The following TENT4B variants were observed in gnomAD, a reference collection of about 807,000 sequenced individuals.
TENT4B encodes terminal nucleotidyltransferase 4B, also known as PAP associated domain containing 5.
TENT4B carries 10 observed loss-of-function variants against 75.0 expected under a neutral mutation model. That is an observed-to-expected ratio of 0.13 (90% CI 0.08 to 0.23). The LOEUF is 0.23. Ranked by LOEUF, TENT4B falls within the 10% of genes least tolerant of loss-of-function variation. The probability of loss-of-function intolerance (pLI) is 1.00; values close to 1 mark genes in which losing one functional copy is unlikely to be tolerated. For missense variants in TENT4B, 579 were observed against 893.8 expected (o/e 0.65, Z 4.49); for synonymous variants, 350 against 357.7 (o/e 0.98, Z 0.24).
At position 50,234,280 on chromosome 16, in the gene TENT4B, A is replaced by C. The variant is rs1348895814; in HGVS notation, c.*4952A>C. The C allele has an allele frequency of 1.0e-6, 1 of 985,284 alleles. No individual in the cohort carries two copies. Among genetic ancestry groups the C allele is most frequent in the African/African-American group, 1.7e-5 (1 of 57,202 alleles). The allele number at this position is 985,284 out of a possible 1,614,324, so 61.0% of individuals were successfully genotyped here. Reference sequence around the variant, plus strand: ...ACCTTCATCTCTTAAAAAAACAAACAAAAACCTGAATGGTGAGGTGTGGTG... The same window carrying C: ...ACCTTCATCTCTTAAAAAAACAAACCAAAACCTGAATGGTGAGGTGTGGTG... On this transcript the variant is annotated 3_prime_UTR_variant, in exon 12 of 12. Transcript: ENST00000561678.
At chr16:50,192,902 T>C (rs7404952) in intron 1 of TENT4B, among the ~76,000 whole-genome samples, 101,464 of 151,992 alleles carry the variant, frequency 0.67, 35,751 homozygotes, top group Non-Finnish European at 0.77. Context: ...AGCAATGTGA[T>C]GAAACCCTGT....
chr16:50,194,654 G>A lies in TENT4B; in HGVS notation c.639-16669G>A, dbSNP rs1247529618. Among the ~76,000 whole-genome samples, 7 of 151,596 alleles carry A rather than the reference G, an allele frequency of 4.6e-5. No individual in the cohort carries two copies. The East Asian group carries it at 1.4e-3, about 29-fold the overall frequency. ...GAGCATCAATTTCCTGGGCTCAAGC[G>A]ATACTTGCACTTCAGCACCCCTCCA... On this transcript the variant is annotated intron_variant, in intron 1 of 11. Coordinates refer to ENST00000561678, the MANE Select transcript of TENT4B (RefSeq NM_001365324.3).
At position 50,229,229 on chromosome 16, in the gene TENT4B, GACAA is replaced by G; in HGVS notation, c.2052_2055del (p.Lys684AsnfsTer66). The G allele has an allele frequency of 1.2e-6, 2 of 1,613,872 alleles. No individual in the cohort carries two copies. The highest frequency in any genetic ancestry group is 2.2e-5 in the East Asian group (1 of 44,890). ...CTCAAACAAGCCATGGTTCCTTGAT[GACAA>G]ACAAACAACATCAAGGCAAATCCAA... On this transcript the variant is annotated frameshift_variant, in exon 12 of 12. Coordinates refer to ENST00000561678, the MANE Select transcript of TENT4B (RefSeq NM_001365324.3). LOFTEE classifies it high-confidence loss of function.
chr16:50,187,211 T>C (rs77032068), intron 1 of TENT4B, among the ~76,000 whole-genome samples: 2,706 of 152,348 alleles, frequency 0.018, 98 homozygotes, highest in African/African-American at 0.062. Flanking sequence ...GTGTTTTCTT[T>C]CTGCAGTTTT....
chr16:50,175,628 C>T (rs762293649), intron 1 of TENT4B, among the ~76,000 whole-genome samples: 6 of 151,864 alleles, frequency 4.0e-5, no homozygotes, highest in East Asian at 1.9e-4. Context: ...CATGACACCA[C>T]GCCCAGCTAA....
At chr16:50,176,897 G>A (rs1209585607) in intron 1 of TENT4B, among the ~76,000 whole-genome samples, 2 of 152,000 alleles carry the variant, frequency 1.3e-5, no homozygotes, top group African/African-American at 2.4e-5. Flanking sequence ...TTGTTCTGTA[G>A]TTTTCTTTGG....
At chr16:50,228,808 A>G (rs1268217500) in intron 11 of TENT4B, among the ~76,000 whole-genome samples, 2 of 152,228 alleles carry the variant, frequency 1.3e-5, no homozygotes, top group Admixed American at 6.5e-5. Flanking sequence ...CAAACCTACC[A>G]GTGTGCCTGT....
chr16:50,187,374 G>A (rs1376183744), intron 1 of TENT4B, among the ~76,000 whole-genome samples: 1 of 152,258 alleles, frequency 6.6e-6, no homozygotes, highest in Non-Finnish European at 1.5e-5. Context: ...CCTGAGGTCA[G>A]GAGTTTGAGA....
chr16:50,158,738 G>A (rs1449129184), intron 1 of TENT4B, among the ~76,000 whole-genome samples: 2 of 152,192 alleles, frequency 1.3e-5, no homozygotes, highest in East Asian at 3.9e-4. Context: ...ACAATGTTTT[G>A]GAGTACAAAT....
At chr16:50,189,734 C>G (rs869285388) in intron 1 of TENT4B, among the ~76,000 whole-genome samples, 1 of 151,626 alleles carries the variant, frequency 6.6e-6, no homozygotes, top group African/African-American at 2.4e-5. Context: ...AAAAAATAAC[C>G]AGATAATTAT....
intron 1 of TENT4B, among the ~76,000 whole-genome samples, chr16:50,210,297 G>A (rs2031211018): frequency 6.6e-6 from 1 of 152,216 alleles, no homozygotes; most frequent in African/African-American, 2.4e-5. Flanking sequence ...CTATGTTCAA[G>A]TCATTGCTCA....
At chr16:50,153,121 G>T (rs1398264771), upstream of TENT4B, 2 of 1,106,708 alleles carry the variant, frequency 1.8e-6, no homozygotes, top group East Asian at 3.7e-5. Flanking sequence ...GACGCACGGC[G>T]AGGCCTCCCG....
intron 1 of TENT4B, among the ~76,000 whole-genome samples, chr16:50,197,889 A>G (rs954766984): frequency 4.6e-5 from 7 of 152,168 alleles, no homozygotes; most frequent in African/African-American, 1.7e-4. Flanking sequence ...ATAGTTCATT[A>G]TGGACAGAAA....
At chr16:50,217,724 G>T in intron 5 of TENT4B, 61 bp downstream of exon 5, 1 of 1,017,766 alleles carries the variant, frequency 9.8e-7, no homozygotes, top group Non-Finnish European at 1.4e-6. Context: ...AGATTCTGTT[G>T]TGGTGGTGTT....
At chr16:50,184,398 G>A (rs891797244) in intron 1 of TENT4B, among the ~76,000 whole-genome samples, 2 of 152,232 alleles carry the variant, frequency 1.3e-5, no homozygotes, top group Non-Finnish European at 2.9e-5. Context: ...GCCGGGCGCG[G>A]TGGCTCACGC....
At chr16:50,204,719 C>T (rs572557652) in intron 1 of TENT4B, among the ~76,000 whole-genome samples, 2 of 152,306 alleles carry the variant, frequency 1.3e-5, no homozygotes, top group South Asian at 4.1e-4. Context: ...CTCTATTCCA[C>T]CCCAGAGGAA....
At chr16:50,155,495 A>G (rs1305706297) in intron 1 of TENT4B, among the ~76,000 whole-genome samples, 1 of 151,794 alleles carries the variant, frequency 6.6e-6, no homozygotes, top group African/African-American at 2.4e-5. Context: ...TACCTTTTTG[A>G]AGGTCTGGAT....
Position 50,216,102 on chromosome 16 carries a change from G to A in TENT4B, c.837G>A (p.Lys279=). ...TSDIDLVVFG[K]WENLPLWTLE... ...ACATCGACCTAGTGGTGTTTGGGAA[G>A]TGGGAGAACCTACCCCTCTGGACTC... The change falls in exon 4 of 12, where the codon AAG becomes AAA. Residue 279 remains lysine (K), a synonymous_variant. Coordinates refer to ENST00000561678, the MANE Select transcript of TENT4B (RefSeq NM_001365324.3). 2.5e-6 allele frequency: 4 copies of A among 1,613,982 alleles called. No individual in the cohort carries two copies. Among genetic ancestry groups the A allele is most frequent in the African/African-American group, 2.7e-5 (2 of 75,048 alleles).
chr16:50,227,210 C>T (rs2032097120), intron 10 of TENT4B, among the ~76,000 whole-genome samples: 2 of 152,182 alleles, frequency 1.3e-5, no homozygotes. Flanking sequence ...GAGCAGTATG[C>T]TTTGGAGGAC....
Sources: gnomAD v4.1 joint callset for allele counts (sites outside exome capture counted in the v4.1 genomes callset) on GRCh38, gnomAD v4.1.1 for gene constraint, MANE v1.5 for transcripts, NCBI Gene and HGNC (gene_info 2026-07-23, HGNC 2026-07-21) for gene names.